Variants in PDE3A observed in about 807,000 individuals in gnomAD.
The protein encoded by PDE3A is phosphodiesterase 3A.
PDE3A carries 43 observed loss-of-function variants against 98.3 expected under a neutral mutation model. The observed-to-expected ratio is 0.44, with a 90% CI of 0.34 to 0.56. PDE3A has a LOEUF of 0.56. Ranked by LOEUF, PDE3A falls within the 20% of genes least tolerant of loss-of-function variation. PDE3A has a pLI of 0.01. For missense variants in PDE3A, 1,427 were observed against 1,440.7 expected (o/e 0.99, Z 0.15); for synonymous variants, 663 against 567.9 (o/e 1.17, Z -2.38).
chr12:20,622,927 A>C (rs1944171901), intron 5 of PDE3A, among the ~76,000 whole-genome samples: 2 of 152,126 alleles, frequency 1.3e-5, no homozygotes, highest in Non-Finnish European at 2.9e-5. Context: ...AAGAAACACC[A>C]TGAGTTTGAG....
intron 2 of PDE3A, among the ~76,000 whole-genome samples, chr12:20,612,903 A>G (rs1943905518): frequency 6.6e-6 from 1 of 152,024 alleles, no homozygotes; most frequent in East Asian, 1.9e-4. Flanking sequence ...AACAACAGGA[A>G]GAGAGACAGA....
intron 12 of PDE3A, among the ~76,000 whole-genome samples, chr12:20,647,165 A>T (rs1944794411): frequency 6.6e-6 from 1 of 152,154 alleles, no homozygotes; most frequent in Admixed American, 6.5e-5. Flanking sequence ...CATGGGAATC[A>T]TTTCTCAGTT....
intron 1 of PDE3A, among the ~76,000 whole-genome samples, chr12:20,400,776 G>A (rs961235424): frequency 1.3e-5 from 2 of 151,964 alleles, no homozygotes; most frequent in African/African-American, 4.8e-5. Context: ...TTTCTCTATT[G>A]CTAATTTTCG....
chr12:20,617,107 G>C (rs1944026047), intron 4 of PDE3A, among the ~76,000 whole-genome samples: 1 of 151,958 alleles, frequency 6.6e-6, no homozygotes, highest in African/African-American at 2.4e-5. Flanking sequence ...TATGATTTCA[G>C]GTTTTTGAAA....
chr12:20,552,771 C>G lies in PDE3A; in HGVS notation c.961-3889C>G, dbSNP rs1456294398. ...CGAGCGGCAGCCCGTTCCAGTTGTT[C>G]CTGAGTAAAGTGGAGGAGACGTTCC... On this transcript the variant is annotated intron_variant, in intron 1 of 15. Transcript: ENST00000359062. This position sits in a 1 kb window ranked among gnomAD's most constrained non-coding sequence, Gnocchi z 5.1. 5 of 1,613,922 alleles carry G rather than the reference C, an allele frequency of 3.1e-6. No individual in the cohort carries two copies. Among genetic ancestry groups the G allele is most frequent in the Non-Finnish European group, 4.2e-6 (5 of 1,179,902 alleles).
chr12:20,491,313 G>A (rs1219492821), intron 1 of PDE3A, among the ~76,000 whole-genome samples: 2 of 152,144 alleles, frequency 1.3e-5, no homozygotes, highest in African/African-American at 4.8e-5. Flanking sequence ...CTAATGAAAG[G>A]GTTGGGTATT....
chr12:20,430,056 G>T (rs957116885), intron 1 of PDE3A, among the ~76,000 whole-genome samples: 1 of 151,724 alleles, frequency 6.6e-6, no homozygotes, highest in Non-Finnish European at 1.5e-5. Flanking sequence ...TTTTTTCCAT[G>T]ACTTGTAGCA....
intron 1 of PDE3A, among the ~76,000 whole-genome samples, chr12:20,376,122 G>A (rs532849356): frequency 9.4e-4 from 143 of 151,998 alleles, no homozygotes; most frequent in African/African-American, 3.3e-3. Flanking sequence ...CTTCAAAATA[G>A]TACACTGATT....
At position 20,369,437 on chromosome 12, in the gene PDE3A, GC is replaced by G; in HGVS notation, c.154del (p.Leu52CysfsTer27). On this transcript the variant is annotated frameshift_variant, in exon 1 of 16. Coordinates refer to ENST00000359062, the MANE Select transcript of PDE3A (RefSeq NM_000921.5). LOFTEE classifies it high-confidence loss of function. ...GCCGTGGCTGCTGGGGAGACCTGGT[GC>G]TGCAGCCGCTCCGGAGCTCTCGGAA... ...GCRGCWGDLVLQPLRSSRKLS... is the reference protein window; with the variant it reads ...GCRGCWGDLVXQPLRSSRKLS... 2 of 1,555,290 alleles carry G rather than the reference GC, an allele frequency of 1.3e-6. No homozygotes were observed. The highest frequency in any genetic ancestry group is 1.7e-6 in the Non-Finnish European group (2 of 1,150,494).
chr12:20,439,940 A>T (rs1944842591), intron 1 of PDE3A, among the ~76,000 whole-genome samples: 1 of 152,190 alleles, frequency 6.6e-6, no homozygotes, highest in Admixed American at 6.5e-5. Context: ...TACATAAATG[A>T]TAATTTCCCT....
intron 1 of PDE3A, among the ~76,000 whole-genome samples, chr12:20,416,261 C>T (rs1305404712): frequency 6.6e-6 from 1 of 152,084 alleles, no homozygotes; most frequent in Non-Finnish European, 1.5e-5. Context: ...TTATCAACAC[C>T]CTTGGACTTA....
At chr12:20,626,235 A>G (rs982470881) in intron 5 of PDE3A, among the ~76,000 whole-genome samples, 1 of 151,892 alleles carries the variant, frequency 6.6e-6, no homozygotes, top group Non-Finnish European at 1.5e-5. Context: ...CTATAAAGAA[A>G]ATTTGGTTAT....
intron 1 of PDE3A, among the ~76,000 whole-genome samples, chr12:20,457,436 A>T (rs930052055): frequency 6.6e-6 from 1 of 151,880 alleles, no homozygotes; most frequent in Admixed American, 6.6e-5. Context: ...AATAAAATTT[A>T]TACATATACA....
intron 2 of PDE3A, among the ~76,000 whole-genome samples, chr12:20,608,515 ATAG>A (rs375221846): frequency 6.6e-6 from 1 of 152,122 alleles, no homozygotes; most frequent in Non-Finnish European, 1.5e-5. Context: ...CTACAGCATA[ATAG>A]TAGCATCAAA....
At chr12:20,562,215 T>C (rs563518414) in intron 2 of PDE3A, among the ~76,000 whole-genome samples, 1 of 122,634 alleles carries the variant, frequency 8.2e-6, no homozygotes, top group South Asian at 2.9e-4. Context: ...CAACAGAAAA[T>C]ATGCTTTTTT....
chr12:20,595,018 A>G (rs1250309242), intron 2 of PDE3A, among the ~76,000 whole-genome samples: 1 of 152,144 alleles, frequency 6.6e-6, no homozygotes, highest in Non-Finnish European at 1.5e-5. Context: ...CTGTATTAGA[A>G]TATTTTCAAC....
At chr12:20,555,091 T>C (rs928857337) in intron 1 of PDE3A, among the ~76,000 whole-genome samples, 3 of 152,062 alleles carry the variant, frequency 2.0e-5, no homozygotes, top group African/African-American at 7.2e-5. Flanking sequence ...GCGTGCGATC[T>C]TGGGTCACTG....
At chr12:20,594,719 A>C (rs1214666013) in intron 2 of PDE3A, among the ~76,000 whole-genome samples, 2 of 152,078 alleles carry the variant, frequency 1.3e-5, no homozygotes, top group Non-Finnish European at 2.9e-5. Context: ...TATGGATAGT[A>C]TGTTGGGGGC....
intron 4 of PDE3A, among the ~76,000 whole-genome samples, chr12:20,618,079 C>G (rs1436734739): frequency 6.6e-6 from 1 of 152,154 alleles, no homozygotes; most frequent in Non-Finnish European, 1.5e-5. Flanking sequence ...TCTGGACATT[C>G]ATTTTCCTCA....
Sources: gnomAD v4.1 joint callset for allele counts (sites outside exome capture counted in the v4.1 genomes callset) on GRCh38, gnomAD v4.1.1 for gene constraint, Gnocchi (gnomAD v3.1) non-coding constraint, MANE v1.5 for transcripts, NCBI Gene and HGNC (gene_info 2026-07-23, HGNC 2026-07-21) for gene names.